Variants in SLC36A1 observed in about 807,000 individuals in gnomAD.
The protein encoded by SLC36A1 is proton-coupled amino acid transporter 1.
In SLC36A1, 30 loss-of-function variants were observed where a neutral mutation model predicts 47.5. That is an observed-to-expected ratio of 0.63 (90% CI 0.47 to 0.86). The LOEUF (loss-of-function observed/expected upper bound fraction) is 0.86, where lower values mean the gene tolerates loss of function less well. Ranked by LOEUF, SLC36A1 falls within the 40% of genes least tolerant of loss-of-function variation. The pLI is 0.00. For missense variants in SLC36A1, 517 were observed against 606.0 expected (o/e 0.85, Z 1.54); for synonymous variants, 255 against 249.7 (o/e 1.02, Z -0.20).
At chr5:151,516,373 G>A in the SLC36A1 span, among the ~76,000 whole-genome samples, 1 of 152,030 alleles carries the variant, frequency 6.6e-6, no homozygotes, top group African/African-American at 2.4e-5. Context: ...AAAAATTAGT[G>A]AGCGTGGTTG....
In SLC36A1 at chr5:151,479,459, T is replaced by C. The variant is rs1758524948; in HGVS notation, c.1129T>C (p.Phe377Leu). 6.2e-7 allele frequency: 1 copy of C among 1,614,216 alleles called. No homozygotes were observed. Among genetic ancestry groups the C allele is most frequent in the African/African-American group, 1.3e-5 (1 of 75,064 alleles). Residue 377 changes from phenylalanine to leucine, a missense_variant, in exon 10 of 11, where the codon TTT becomes CTT. Transcript: ENST00000243389. ...GCACTGTGAGTTAGTGGTGGACCTG[T>C]TTGTGCGCACAGTGCTGGTCTGCCT... Reference protein sequence around the residue: ...PEHCELVVDLFVRTVLVCLTC... With the variant: ...PEHCELVVDLLVRTVLVCLTC...
the SLC36A1 span, among the ~76,000 whole-genome samples, chr5:151,357,630 C>T: frequency 2.0e-5 from 3 of 152,192 alleles, no homozygotes; most frequent in East Asian, 3.8e-4. Flanking sequence ...CATTCATTTA[C>T]GTATTGTTTA....
the SLC36A1 span, among the ~76,000 whole-genome samples, chr5:151,421,637 C>T: frequency 1.3e-4 from 20 of 150,232 alleles, no homozygotes; most frequent in Non-Finnish European, 1.8e-4. Context: ...CACCCAGGCT[C>T]TGGAGTGCAG....
chr5:151,503,068 G>A, the SLC36A1 span, among the ~76,000 whole-genome samples: 7 of 148,234 alleles, frequency 4.7e-5, no homozygotes, highest in Non-Finnish European at 1.0e-4. Flanking sequence ...GGTTGCCAGG[G>A]GTTAGGGGGC....
the SLC36A1 span, chr5:151,543,245 C>T: frequency 9.3e-6 from 15 of 1,614,058 alleles, no homozygotes; most frequent in Non-Finnish European, 2.5e-6. Context: ...TTAACTAGGT[C>T]CTCTGGGTTC....
At chr5:151,547,326 G>C in the SLC36A1 span, among the ~76,000 whole-genome samples, 1 of 152,174 alleles carries the variant, frequency 6.6e-6, no homozygotes, top group South Asian at 2.1e-4. Context: ...CCCAACAGAG[G>C]CTTTGTTCTT....
At chr5:151,376,428 C>T in the SLC36A1 span, among the ~76,000 whole-genome samples, 2 of 151,888 alleles carry the variant, frequency 1.3e-5, no homozygotes, top group Non-Finnish European at 2.9e-5. Flanking sequence ...TAGTTCTGCT[C>T]TAATCTTTAT....
At chr5:151,551,424 C>A in the SLC36A1 span, 2 of 1,600,100 alleles carry the variant, frequency 1.2e-6, no homozygotes, top group East Asian at 4.5e-5. Context: ...AGAAGGCCTT[C>A]CATCTCCTCT....
chr5:151,537,955 G>A, the SLC36A1 span: 1 of 1,612,796 alleles, frequency 6.2e-7, no homozygotes, highest in South Asian at 1.1e-5. Context: ...AGCTAGAGAT[G>A]GAAAGACAAA....
chr5:151,449,110 C>T (rs1026915284), intron 1 of SLC36A1, among the ~76,000 whole-genome samples: 3 of 152,132 alleles, frequency 2.0e-5, no homozygotes, highest in African/African-American at 7.2e-5. Flanking sequence ...CACTGAGTAT[C>T]AGCCTTGCAA....
the SLC36A1 span, chr5:151,540,565 A>T: frequency 6.2e-7 from 1 of 1,606,644 alleles, no homozygotes; most frequent in Non-Finnish European, 8.5e-7. Flanking sequence ...CCAGGCTCTC[A>T]CCTGTGAACA....
chr5:151,470,060 C>CTATT (rs752175867), intron 7 of SLC36A1, among the ~76,000 whole-genome samples: 1 of 152,158 alleles, frequency 6.6e-6, no homozygotes, highest in Non-Finnish European at 1.5e-5. Flanking sequence ...TTCTGCAGAA[C>CTATT]TATTTTTTTA....
chr5:151,435,241 G>A (rs1759698540), upstream of SLC36A1, among the ~76,000 whole-genome samples: 1 of 152,202 alleles, frequency 6.6e-6, no homozygotes, highest in Non-Finnish European at 1.5e-5. Context: ...AAGATTTGCA[G>A]TCAGTCTGTC....
At chr5:151,517,382 C>T in the SLC36A1 span, among the ~76,000 whole-genome samples, 1 of 152,212 alleles carries the variant, frequency 6.6e-6, no homozygotes, top group African/African-American at 2.4e-5. Flanking sequence ...TTCTATCTTA[C>T]CCCACAGAGT....
At chr5:151,417,771 G>A in the SLC36A1 span, among the ~76,000 whole-genome samples, 1 of 152,196 alleles carries the variant, frequency 6.6e-6, no homozygotes. Context: ...TTGGTGGGGG[G>A]AATTCAAGCT....
chr5:151,367,305 C>A, the SLC36A1 span, among the ~76,000 whole-genome samples: 1 of 151,124 alleles, frequency 6.6e-6, no homozygotes, highest in Admixed American at 6.6e-5. Flanking sequence ...CTTATCTCAA[C>A]GGCACAAGAC....
chr5:151,495,635 C>T (rs1760317053), downstream of SLC36A1, among the ~76,000 whole-genome samples: 1 of 152,104 alleles, frequency 6.6e-6, no homozygotes, highest in Admixed American at 6.5e-5. Flanking sequence ...CACCTCAAGA[C>T]TCCTTATGCT....
the SLC36A1 span, chr5:151,551,601 C>A: frequency 6.2e-7 from 1 of 1,614,098 alleles, no homozygotes; most frequent in Non-Finnish European, 8.5e-7. Context: ...ATGTCCTTAT[C>A]CCCACCTAGA....
chr5:151,416,727 C>G, the SLC36A1 span, among the ~76,000 whole-genome samples: 3 of 152,212 alleles, frequency 2.0e-5, no homozygotes, highest in Non-Finnish European at 4.4e-5. Flanking sequence ...TCCATCCACA[C>G]TCAGGATAAT....
Sources: allele counts gnomAD v4.1 joint callset (sites outside exome capture counted in the v4.1 genomes callset), GRCh38; gene constraint gnomAD v4.1.1; transcripts MANE v1.5; gene names NCBI Gene and HGNC (gene_info 2026-07-23, HGNC 2026-07-21).